Variants in CFAP47 observed in about 807,000 individuals in gnomAD.
CFAP47 encodes cilia- and flagella-associated protein 47.
In CFAP47, 29 loss-of-function variants were observed where a neutral mutation model predicts 148.1. The observed-to-expected ratio is 0.20, with a 90% CI of 0.15 to 0.27. The LOEUF (loss-of-function observed/expected upper bound fraction) is 0.27, where lower values mean the gene tolerates loss of function less well. Among genes scored for constraint, CFAP47 ranks in the 10% least tolerant of loss-of-function variants. CFAP47 has a pLI of 1.00. For synonymous variants in CFAP47, 664 were observed against 577.3 expected (o/e 1.15, Z -2.15); for missense variants, 1,872 against 1,697.5 (o/e 1.10, Z -1.81).
At chrX:36,148,978 T>C in intron 36 of CFAP47, 130 bp from the exon 37 acceptor site, 1 of 238,944 alleles carries the variant, frequency 4.2e-6, no homozygotes, top group Non-Finnish European at 7.4e-6. Context: ...TTTGTCCAGT[T>C]GGTGTTCATT....
At chrX:35,938,039 A>C (rs1935943674) in intron 2 of CFAP47, among the ~76,000 whole-genome samples, 1 of 111,740 alleles carries the variant, frequency 8.9e-6, no homozygotes, top group African/African-American at 3.2e-5. Flanking sequence ...TACGATTTTC[A>C]TCATTAGTTT....
chrX:36,081,290 G>C (rs1043506583), intron 29 of CFAP47, among the ~76,000 whole-genome samples: 1 of 111,062 alleles, frequency 9.0e-6, no homozygotes, highest in African/African-American at 3.3e-5. Flanking sequence ...TCTCAAGATT[G>C]AATCAGGAAG....
At chrX:36,246,023 C>G (rs1389257779) in intron 48 of CFAP47, among the ~76,000 whole-genome samples, 1 of 111,270 alleles carries the variant, frequency 9.0e-6, no homozygotes, top group Non-Finnish European at 1.9e-5. Flanking sequence ...GAAATTATGA[C>G]TAAGTACCCA....
intron 33 of CFAP47, among the ~76,000 whole-genome samples, chrX:36,126,243 C>T (rs942734080): frequency 1.8e-5 from 2 of 109,940 alleles, no homozygotes; most frequent in Non-Finnish European, 3.8e-5. Context: ...TTATCCCTCC[C>T]CTAGGCTCCC....
chrX:36,095,425 C>T (rs1377379178), intron 30 of CFAP47, among the ~76,000 whole-genome samples: 1 of 112,070 alleles, frequency 8.9e-6, no homozygotes, highest in African/African-American at 3.2e-5. Flanking sequence ...ATTCCCTCCT[C>T]CTCTATTTTA....
chrX:36,135,329 CACT>C (rs1939025623), intron 33 of CFAP47, among the ~76,000 whole-genome samples: 1 of 111,512 alleles, frequency 9.0e-6, no homozygotes, highest in Non-Finnish European at 1.9e-5. Context: ...TCACAATAAG[CACT>C]ACATGAGATA....
At chrX:36,138,325 G>A (rs200873109) in intron 34 of CFAP47, 23 bp from the exon 35 acceptor site, 5 of 1,065,623 alleles carry the variant, frequency 4.7e-6, no homozygotes, top group Non-Finnish European at 6.1e-6. Context: ...TTACCAAAAG[G>A]TTTGATTTTT....
At chrX:36,035,512 A>G (rs1937327563) in intron 23 of CFAP47, among the ~76,000 whole-genome samples, 183 bp from the exon 24 acceptor site, 1 of 111,969 alleles carries the variant, frequency 8.9e-6, no homozygotes, top group Non-Finnish European at 1.9e-5. Context: ...TCAATGCCAT[A>G]GAGAACAGTT....
chrX:36,308,788 T>G (rs181547979), intron 55 of CFAP47, among the ~76,000 whole-genome samples: 241 of 111,006 alleles, frequency 2.2e-3, no homozygotes, highest in African/African-American at 7.6e-3. Flanking sequence ...TTTCTGATGG[T>G]ACCTCTTTGC....
intron 54 of CFAP47, 124 bp from the exon 55 acceptor site, chrX:36,306,648 G>T: frequency 2.8e-6 from 1 of 362,100 alleles, no homozygotes; most frequent in Non-Finnish European, 4.9e-6. Flanking sequence ...AACAGATAAT[G>T]TGTGCAAGAC....
intron 40 of CFAP47, among the ~76,000 whole-genome samples, chrX:36,184,998 A>C (rs1306671791): frequency 6.3e-5 from 7 of 111,452 alleles, no homozygotes; most frequent in Non-Finnish European, 9.4e-5. Flanking sequence ...TCTTTTTACT[A>C]TGCTGAATAA....
chrX:36,231,643 C>G (rs1162917970), intron 46 of CFAP47, among the ~76,000 whole-genome samples: 1 of 111,103 alleles, frequency 9.0e-6, no homozygotes, highest in Admixed American at 9.6e-5. Flanking sequence ...GAACTTCCAT[C>G]ACTATGTTGA....
At chrX:36,057,343 G>A (rs1226618165) in intron 26 of CFAP47, among the ~76,000 whole-genome samples, 1 of 111,816 alleles carries the variant, frequency 8.9e-6, no homozygotes, top group Non-Finnish European at 1.9e-5. Flanking sequence ...GTGGTTGTTA[G>A]AATGAAAATT....
intron 56 of CFAP47, among the ~76,000 whole-genome samples, chrX:36,311,871 A>G (rs1941396725): frequency 9.0e-6 from 1 of 110,923 alleles, no homozygotes; most frequent in African/African-American, 3.3e-5. Flanking sequence ...CATGTCATTT[A>G]CCTGTTGCAC....
At chrX:36,033,750 C>G (rs143258296) in intron 23 of CFAP47, among the ~76,000 whole-genome samples, 2,417 of 111,059 alleles carry the variant, frequency 0.022, 80 homozygotes, top group African/African-American at 0.075. Flanking sequence ...TTTTGTTGTG[C>G]TGATAATTGT....
At chrX:36,068,429 TA>T (rs1750171333) in intron 27 of CFAP47, among the ~76,000 whole-genome samples, 1 of 112,230 alleles carries the variant, frequency 8.9e-6, no homozygotes, top group South Asian at 3.7e-4. Flanking sequence ...GTTTAGCAGA[TA>T]AAAGGTATTT....
intron 30 of CFAP47, among the ~76,000 whole-genome samples, chrX:36,098,263 C>A (rs1938312864): frequency 8.9e-6 from 1 of 111,849 alleles, no homozygotes; most frequent in South Asian, 3.7e-4. Context: ...ATTTTGAATT[C>A]TCTCTCTGAA....
intron 26 of CFAP47, among the ~76,000 whole-genome samples, chrX:36,055,861 G>A (rs6632468): frequency 0.095 from 10,550 of 110,818 alleles, 502 homozygotes; most frequent in East Asian, 0.3. Context: ...TCTGACTGGC[G>A]TGAGATGGTA....
chrX:36,070,569 C>A (rs1207554763), intron 27 of CFAP47, among the ~76,000 whole-genome samples: 1 of 105,958 alleles, frequency 9.4e-6, no homozygotes, highest in Non-Finnish European at 1.9e-5. Context: ...ACAATCTCAG[C>A]TCACCTCCAC....
Sources: gnomAD v4.1 joint callset for allele counts (sites outside exome capture counted in the v4.1 genomes callset) on GRCh38, gnomAD v4.1.1 for gene constraint, MANE v1.5 for transcripts, NCBI Gene and HGNC (gene_info 2026-07-23, HGNC 2026-07-21) for gene names.